DIP2C: variants seen among roughly 807,000 people sequenced by gnomAD.
DIP2C encodes the protein disco-interacting protein 2 homolog C.
In DIP2C, 33 loss-of-function variants were observed where a neutral mutation model predicts 192.4. The ratio of observed to expected loss-of-function variants is 0.17; its 90% confidence interval spans 0.13 to 0.23. DIP2C has a LOEUF of 0.23. Ranked by LOEUF, DIP2C falls within the 10% of genes least tolerant of loss-of-function variation. DIP2C has a pLI of 1.00. For missense variants in DIP2C, 1,537 were observed against 2,110.1 expected, an observed-to-expected ratio of 0.73 and a Z score of 5.32; for synonymous variants, 979 against 864.1, an observed-to-expected ratio of 1.13 and a Z score of -2.33.
intron 24 of DIP2C, among the ~76,000 whole-genome samples, chr10:353,405 T>C (rs1286500704): frequency 6.6e-6 from 1 of 152,250 alleles, no homozygotes; most frequent in African/African-American, 2.4e-5. Context: ...TTAATTTTTT[T>C]CGAGATAGAG....
chr10:487,528 A>ACC (rs1844099903), intron 1 of DIP2C, among the ~76,000 whole-genome samples: 1 of 148,124 alleles, frequency 6.8e-6, no homozygotes, highest in South Asian at 2.2e-4. Context: ...GGAGCCAAGA[A>ACC]CCAAATGACA....
At chr10:463,518 A>G (rs565409161) in intron 3 of DIP2C, among the ~76,000 whole-genome samples, 1 of 152,358 alleles carries the variant, frequency 6.6e-6, no homozygotes, top group South Asian at 2.1e-4. Context: ...ATGGAAAATC[A>G]TTCCATGCTC....
chr10:672,223 G>A (rs1413520868), intron 1 of DIP2C, among the ~76,000 whole-genome samples: 3 of 151,058 alleles, frequency 2.0e-5, no homozygotes, highest in East Asian at 3.9e-4. Context: ...ACGCAGGGAC[G>A]GAAGAAACAC....
At chr10:596,605 A>C (rs1375261348) in intron 1 of DIP2C, among the ~76,000 whole-genome samples, 1 of 151,922 alleles carries the variant, frequency 6.6e-6, no homozygotes, top group Admixed American at 6.6e-5. Flanking sequence ...CATGAGATAC[A>C]TCACAGGAGA....
chr10:472,221 C>A (rs2133443145), intron 3 of DIP2C, among the ~76,000 whole-genome samples: 1 of 152,270 alleles, frequency 6.6e-6, no homozygotes, highest in South Asian at 2.1e-4. Flanking sequence ...ATATGCAATT[C>A]TGAATAGTAG....
At chr10:413,517 A>G (rs931571263) in intron 8 of DIP2C, among the ~76,000 whole-genome samples, 1 of 152,266 alleles carries the variant, frequency 6.6e-6, no homozygotes, top group African/African-American at 2.4e-5. Flanking sequence ...TTTTAACTCA[A>G]AAAATATTTA....
chr10:451,287 C>T (rs1804461654), intron 3 of DIP2C, among the ~76,000 whole-genome samples: 1 of 141,060 alleles, frequency 7.1e-6, no homozygotes, highest in African/African-American at 3.3e-5. Flanking sequence ...AAACCACCAC[C>T]TCAAACCTCA....
chr10:496,383 A>T lies in DIP2C; in HGVS notation c.86-9853T>A, dbSNP rs528467598. Among the ~76,000 whole-genome samples the T allele has an allele frequency of 3.2e-5, 3 of 94,128 alleles. No homozygotes were observed. The South Asian group carries it at 8.4e-4, about 26-fold the overall frequency. The allele number at this position is 94,128 out of a possible 152,430, so 61.8% of individuals were successfully genotyped here. ...TCCCTACATTACTCTTAATACCCCA[A>T]ACATGAGTGCTGACTACACAGAACC... is the stretch of plus-strand genomic sequence containing the variant. On this transcript the variant is annotated intron_variant, in intron 1 of 36. Coordinates refer to ENST00000280886, the MANE Select transcript of DIP2C (RefSeq NM_014974.3).
chr10:508,899 C>T (rs774079263), intron 1 of DIP2C, among the ~76,000 whole-genome samples: 5 of 152,094 alleles, frequency 3.3e-5, no homozygotes, highest in South Asian at 2.1e-4. Flanking sequence ...TGCTGGAAGG[C>T]GGCCACTCTG....
intron 1 of DIP2C, among the ~76,000 whole-genome samples, chr10:547,932 T>A (rs927155924): frequency 1.3e-5 from 2 of 152,042 alleles, no homozygotes; most frequent in Non-Finnish European, 2.9e-5. Context: ...CCCTTATCTC[T>A]CATTTCCACC....
intron 24 of DIP2C, among the ~76,000 whole-genome samples, chr10:352,277 T>C (rs1278712512): frequency 2.6e-5 from 4 of 152,250 alleles, no homozygotes; most frequent in African/African-American, 9.6e-5. Context: ...TTTGAAAATG[T>C]TTTGATTCTG....
chr10:540,970 G>A (rs563823592), intron 1 of DIP2C, among the ~76,000 whole-genome samples: 36 of 152,198 alleles, frequency 2.4e-4, no homozygotes, highest in African/African-American at 7.7e-4. Context: ...ACACGCAGAT[G>A]GGGAAGGATG....
intron 2 of DIP2C, among the ~76,000 whole-genome samples, chr10:477,086 C>A (rs913907591): frequency 6.7e-6 from 1 of 148,594 alleles, no homozygotes; most frequent in East Asian, 2.0e-4. Flanking sequence ...AAAACTTGAG[C>A]ACAGACAGCA....
At chr10:367,373 C>T (rs964014464) in intron 18 of DIP2C, among the ~76,000 whole-genome samples, 2 of 150,926 alleles carry the variant, frequency 1.3e-5, no homozygotes, top group South Asian at 2.1e-4. Flanking sequence ...ACCGAGATCG[C>T]GCCACTGCAC....
At chr10:354,236 C>T (rs774379717) in intron 24 of DIP2C, among the ~76,000 whole-genome samples, 2 of 152,258 alleles carry the variant, frequency 1.3e-5, no homozygotes, top group Non-Finnish European at 2.9e-5. Context: ...TGGCCCCCAT[C>T]GGATTTGCAG....
intron 8 of DIP2C, among the ~76,000 whole-genome samples, chr10:409,320 G>A (rs1300406912): frequency 1.3e-5 from 2 of 152,040 alleles, no homozygotes; most frequent in African/African-American, 2.4e-5. Context: ...GGCGAGGGGG[G>A]GCGCGGACAG....
chr10:440,640 A>AT (rs1967651564), intron 4 of DIP2C, among the ~76,000 whole-genome samples: 1 of 152,258 alleles, frequency 6.6e-6, no homozygotes, highest in South Asian at 2.1e-4. Flanking sequence ...GGTATGTATC[A>AT]TATGTATGAG....
At chr10:478,008 A>AGAG (rs1554874343) in intron 2 of DIP2C, among the ~76,000 whole-genome samples, 1 of 4,048 alleles carries the variant, frequency 2.5e-4, no homozygotes, top group Non-Finnish European at 4.3e-4. Flanking sequence ...AGAGGAAAAA[A>AGAG]GAGGGGAGGG....
intron 1 of DIP2C, among the ~76,000 whole-genome samples, chr10:537,130 T>C (rs894780083): frequency 1.3e-5 from 2 of 151,648 alleles, no homozygotes; most frequent in Non-Finnish European, 2.9e-5. Flanking sequence ...GAAGTGAGGG[T>C]GGAGTGAGTT....
Sources: gnomAD v4.1 joint callset for allele counts (sites outside exome capture counted in the v4.1 genomes callset) on GRCh38, gnomAD v4.1.1 for gene constraint, MANE v1.5 for transcripts, NCBI Gene and HGNC (gene_info 2026-07-23, HGNC 2026-07-21) for gene names.